The following ATRNL1 variants were observed in gnomAD, a reference collection of about 807,000 sequenced individuals.
ATRNL1 encodes the protein attractin like 1, also known as attractin-like protein 1.
ATRNL1 carries 95 observed loss-of-function variants against 182.7 expected under a neutral mutation model. The observed-to-expected ratio is 0.52, with a 90% CI of 0.44 to 0.62. ATRNL1 has a LOEUF of 0.62. Among genes scored for constraint, ATRNL1 ranks in the 20% least tolerant of loss-of-function variants. The pLI is 0.00. For missense variants in ATRNL1, 1,471 were observed against 1,679.5 expected (o/e 0.88, Z 2.17); for synonymous variants, 576 against 568.3 (o/e 1.01, Z -0.19).
intron 6 of ATRNL1, among the ~76,000 whole-genome samples, chr10:115,163,595 T>C (rs1423911333): frequency 6.6e-6 from 1 of 151,990 alleles, no homozygotes; most frequent in African/African-American, 2.4e-5. Context: ...TTAACTCCAG[T>C]GCTCAAGTGA....
Position 115,848,038 on chromosome 10 carries a change from T to C in ATRNL1, c.4018+47T>C, listed in dbSNP as rs781886262. 8 of 1,023,922 alleles carry C rather than the reference T, an allele frequency of 7.8e-6. No homozygotes were observed. In the South Asian group the frequency reaches 1.0e-4, roughly 13 times the overall value. 63.4% of individuals were successfully genotyped at this position (1,023,922 alleles called of 1,614,324 possible). On this transcript the variant is annotated intron_variant, in intron 28 of 28. Coordinates refer to ENST00000355044, the MANE Select transcript of ATRNL1 (RefSeq NM_207303.4). ...CAGCAGTTAAGCAAAACTTGTAGACTGAACAGAAGAAATAAACAATACCAC... is the reference window on the plus strand; with the variant it reads ...CAGCAGTTAAGCAAAACTTGTAGACCGAACAGAAGAAATAAACAATACCAC...
At chr10:115,254,752 G>A (rs1283913233) in intron 10 of ATRNL1, among the ~76,000 whole-genome samples, 1 of 152,028 alleles carries the variant, frequency 6.6e-6, no homozygotes, top group African/African-American at 2.4e-5. Flanking sequence ...TCTCTTCTAG[G>A]GTTTTTATGG....
chr10:115,397,280 A>G (rs1844335519), intron 20 of ATRNL1, among the ~76,000 whole-genome samples: 1 of 152,104 alleles, frequency 6.6e-6, no homozygotes. Flanking sequence ...ACCAAAATAC[A>G]GTATACCAAT....
intron 26 of ATRNL1, among the ~76,000 whole-genome samples, chr10:115,630,948 A>G (rs1555026196): frequency 6.6e-6 from 1 of 151,358 alleles, no homozygotes. Context: ...AGTACATTAC[A>G]CTAAGTGAAA....
At chr10:115,738,142 T>TA in intron 27 of ATRNL1, among the ~76,000 whole-genome samples, 1 of 106,558 alleles carries the variant, frequency 9.4e-6, no homozygotes, top group South Asian at 3.7e-4. Context: ...TTTTTTTTTT[T>TA]TTTTTTTTTT....
At chr10:115,885,398 G>A (rs905276484) in intron 28 of ATRNL1, among the ~76,000 whole-genome samples, 4 of 152,072 alleles carry the variant, frequency 2.6e-5, no homozygotes, top group Non-Finnish European at 4.4e-5. Context: ...CAAGTCTCAC[G>A]GTTTTTTTCT....
intron 27 of ATRNL1, among the ~76,000 whole-genome samples, chr10:115,731,194 ACAAT>A (rs1276364414): frequency 6.6e-6 from 1 of 152,180 alleles, no homozygotes; most frequent in Non-Finnish European, 1.5e-5. Context: ...ATTAACCGTC[ACAAT>A]CAGTCTCCAG....
chr10:115,553,646 T>G (rs1853133418), intron 26 of ATRNL1, among the ~76,000 whole-genome samples: 1 of 151,344 alleles, frequency 6.6e-6, no homozygotes, highest in Non-Finnish European at 1.5e-5. Context: ...CCCTGAAATT[T>G]GAGTTAAAAA....
intron 7 of ATRNL1, among the ~76,000 whole-genome samples, chr10:115,166,613 A>G (rs1847056052): frequency 6.6e-6 from 1 of 152,002 alleles, no homozygotes; most frequent in Admixed American, 6.6e-5. Context: ...CCTAATGAGT[A>G]TCTCACTGTG....
At chr10:115,277,906 C>G (rs1228649640) in intron 13 of ATRNL1, among the ~76,000 whole-genome samples, 2 of 152,052 alleles carry the variant, frequency 1.3e-5, no homozygotes, top group Non-Finnish European at 2.9e-5. Context: ...TTCTTTGAAG[C>G]CTCAATGGAG....
chr10:115,735,975 G>A (rs1555065433), intron 27 of ATRNL1, among the ~76,000 whole-genome samples: 1 of 152,074 alleles, frequency 6.6e-6, no homozygotes, highest in African/African-American at 2.4e-5. Context: ...CAAAATCCCT[G>A]TGTTTGGTGT....
At chr10:115,117,328 C>T (rs1844533702) in intron 1 of ATRNL1, among the ~76,000 whole-genome samples, 2 of 151,842 alleles carry the variant, frequency 1.3e-5, no homozygotes, top group African/African-American at 4.8e-5. Flanking sequence ...TACCCCTTAA[C>T]CATCCCTACC....
intron 8 of ATRNL1, among the ~76,000 whole-genome samples, chr10:115,184,520 T>C (rs1302198285): frequency 1.3e-5 from 2 of 151,682 alleles, no homozygotes; most frequent in African/African-American, 4.8e-5. Context: ...TAGTTACACA[T>C]GCTAATTTGA....
intron 28 of ATRNL1, among the ~76,000 whole-genome samples, chr10:115,906,393 T>C (rs1555114561): frequency 6.6e-6 from 1 of 152,124 alleles, no homozygotes. Context: ...GGAATGATTA[T>C]ATATACCTCA....
chr10:115,223,002 G>A (rs981578731), intron 9 of ATRNL1, among the ~76,000 whole-genome samples: 3 of 152,234 alleles, frequency 2.0e-5, no homozygotes, highest in African/African-American at 4.8e-5. Context: ...AAAGTTGGTC[G>A]GGCATGGTGG....
intron 19 of ATRNL1, among the ~76,000 whole-genome samples, chr10:115,371,838 G>C (rs1301726354): frequency 2.0e-5 from 3 of 152,270 alleles, no homozygotes; most frequent in Middle Eastern, 6.8e-3. Context: ...TGGTTTGGCT[G>C]TGTCCCCACC....
chr10:115,618,502 C>G (rs1355409606), intron 26 of ATRNL1, among the ~76,000 whole-genome samples: 1 of 151,608 alleles, frequency 6.6e-6, no homozygotes, highest in Admixed American at 6.6e-5. Context: ...GTCACATTGG[C>G]CTTTTTACAA....
At chr10:115,284,667 C>A (rs562196644) in intron 14 of ATRNL1, among the ~76,000 whole-genome samples, 1 of 152,196 alleles carries the variant, frequency 6.6e-6, no homozygotes, top group African/African-American at 2.4e-5. Flanking sequence ...ACATTATTTG[C>A]TTTTAAAATT....
In ATRNL1 at chr10:115,165,637, T is replaced by A; in HGVS notation, c.1084T>A (p.Leu362Ile). The A allele has an allele frequency of 6.6e-7, 1 of 1,514,354 alleles. No individual in the cohort carries two copies. The highest frequency in any genetic ancestry group is 8.9e-7 in the Non-Finnish European group (1 of 1,117,402). The allele number at this position is 1,514,354 out of a possible 1,614,324, so 93.8% of individuals were successfully genotyped here. A position where few individuals can be genotyped will look rare whatever the true frequency, so the allele number is the denominator to read the frequency against. ...CCAGAGATATGGACACTCTCTTGCT[T>A]TATATCAGGTATGGCTCCTGCTTTT... Reference protein sequence around the residue: ...PLQRYGHSLALYQENIFMYGG... With the variant: ...PLQRYGHSLAIYQENIFMYGG... The change falls in exon 7 of 29, where the codon TTA becomes ATA. Residue 362 changes from leucine to isoleucine, a missense_variant. Transcript: ENST00000355044.
Sources: gnomAD v4.1 joint callset for allele counts (sites outside exome capture counted in the v4.1 genomes callset) on GRCh38, gnomAD v4.1.1 for gene constraint, MANE v1.5 for transcripts, NCBI Gene and HGNC (gene_info 2026-07-23, HGNC 2026-07-21) for gene names.